AK3: variants seen among roughly 807,000 people sequenced by gnomAD.
AK3 encodes adenylate kinase 3.
AK3 carries 27 observed loss-of-function variants against 23.7 expected under a neutral mutation model. The ratio of observed to expected loss-of-function variants is 1.14; its 90% confidence interval spans 0.84 to 1.57. The LOEUF is 1.57. Ranked by LOEUF, AK3 falls within the 40% of genes most tolerant of loss-of-function variation. The probability of loss-of-function intolerance (pLI) is 0.00; values close to 1 mark genes in which losing one functional copy is unlikely to be tolerated. For synonymous variants in AK3, 159 were observed against 116.0 expected (o/e 1.37, Z -2.38); for missense variants, 406 against 285.6 (o/e 1.42, Z -3.04).
chr9:4,734,201 G>A (rs190288846), intron 1 of AK3, among the ~76,000 whole-genome samples: 4 of 152,184 alleles, frequency 2.6e-5, no homozygotes, highest in Admixed American at 1.3e-4. Flanking sequence ...ACAGAGGAAA[G>A]GCCATGTGAG....
At chr9:4,715,946 C>T (rs182528215) in intron 4 of AK3, among the ~76,000 whole-genome samples, 1 of 152,238 alleles carries the variant, frequency 6.6e-6, no homozygotes, top group East Asian at 1.9e-4. Context: ...GTGCCGACCC[C>T]AAGACTTTTG....
intron 4 of AK3, among the ~76,000 whole-genome samples, chr9:4,714,742 T>C (rs1268232211): frequency 6.6e-6 from 1 of 152,238 alleles, no homozygotes; most frequent in Non-Finnish European, 1.5e-5. Flanking sequence ...ATCATGTTGT[T>C]TGTAAACATA....
chr9:4,731,504 A>G (rs1277902499), intron 1 of AK3, among the ~76,000 whole-genome samples: 1 of 151,790 alleles, frequency 6.6e-6, no homozygotes, highest in Non-Finnish European at 1.5e-5. Context: ...TGAACTTTCT[A>G]TATCAATAAG....
At chr9:4,714,673 A>G (rs1475359297) in intron 4 of AK3, among the ~76,000 whole-genome samples, 2 of 152,202 alleles carry the variant, frequency 1.3e-5, no homozygotes, top group African/African-American at 2.4e-5. Context: ...TTGTCATTTT[A>G]ATTTCTGTGT....
chr9:4,713,918 A>ACG (rs1563780829), intron 4 of AK3, among the ~76,000 whole-genome samples: 5 of 111,742 alleles, frequency 4.5e-5, no homozygotes, highest in East Asian at 2.5e-4. Context: ...ACACATATAC[A>ACG]CCTCCACATA....
Position 4,709,892 on chromosome 9 carries a change from G to T in AK3, c.*3084C>A, listed in dbSNP as rs747578811. 2 of 152,030 alleles carry T rather than the reference G, an allele frequency of 1.3e-5. No homozygotes were observed. The highest frequency in any genetic ancestry group is 2.9e-5 in the Non-Finnish European group (2 of 67,998). The allele number at this position is 152,030 out of a possible 1,614,324, so 9.4% of individuals were successfully genotyped here. A position where few individuals can be genotyped will look rare whatever the true frequency, so the allele number is the denominator to read the frequency against. On this transcript the variant is annotated 3_prime_UTR_variant, in exon 5 of 5. Coordinates refer to ENST00000381809, the MANE Select transcript of AK3 (RefSeq NM_016282.4). ...AAAATACAAATTCTTGCTGTTGGTT[G>T]CAACTATAGCAATTTAACATAATTT...
At chr9:4,740,773 G>A (rs987809103) in intron 1 of AK3, among the ~76,000 whole-genome samples, 164 bp downstream of exon 1, 1 of 152,218 alleles carries the variant, frequency 6.6e-6, no homozygotes, top group Non-Finnish European at 1.5e-5. Context: ...GAGGCCGGAG[G>A]TTTTGGGGCG....
At position 4,741,163 on chromosome 9, in the gene AK3, T is replaced by A. The variant is rs969671955; in HGVS notation, c.-76A>T. Reference sequence around the variant, plus strand: ...CTGCGCGCTCACCCGCTCGGCAGCCTGCGCCGGCCGGCTAGCAGCGCCACT... The same window carrying A: ...CTGCGCGCTCACCCGCTCGGCAGCCAGCGCCGGCCGGCTAGCAGCGCCACT... On this transcript the variant is annotated 5_prime_UTR_variant, in exon 1 of 5. Transcript: ENST00000381809. 29 of 1,312,622 alleles carry A rather than the reference T, an allele frequency of 2.2e-5. No individual in the cohort carries two copies. In the African/African-American group the frequency reaches 3.9e-4, roughly 18 times the overall value. The allele number at this position is 1,312,622 out of a possible 1,614,324, so 81.3% of individuals were successfully genotyped here. A position where few individuals can be genotyped will look rare whatever the true frequency, so the allele number is the denominator to read the frequency against.
At chr9:4,724,538 GA>G (rs1180566874) in intron 1 of AK3, among the ~76,000 whole-genome samples, 1 of 152,052 alleles carries the variant, frequency 6.6e-6, no homozygotes, top group Non-Finnish European at 1.5e-5. Context: ...AAAGCATCCA[GA>G]AAAAAAGAAG....
At position 4,717,281 on chromosome 9, in the gene AK3, C is replaced by T. The variant is rs994597158; in HGVS notation, c.563+1138G>A. ...TAAATGAAAGGGGAGGCAGTCAATC[C>T]TCTGTAAGAAGCAGGAAGGCTCAGT... On this transcript the variant is annotated intron_variant, in intron 4 of 4. Transcript: ENST00000381809. Among the ~76,000 whole-genome samples, 9 of 152,146 alleles carry T rather than the reference C, an allele frequency of 5.9e-5. 1 individual carries two copies. The highest frequency in any genetic ancestry group is 3.9e-4 in the Admixed American group (6 of 15,276).
intron 1 of AK3, among the ~76,000 whole-genome samples, chr9:4,723,491 T>C (rs906307386): frequency 4.6e-5 from 7 of 152,336 alleles, no homozygotes; most frequent in Admixed American, 2.0e-4. Flanking sequence ...GAAAATGATT[T>C]ATGAACAATT....
chr9:4,732,477 A>G (rs1165857739), intron 1 of AK3, among the ~76,000 whole-genome samples: 2 of 152,168 alleles, frequency 1.3e-5, no homozygotes, highest in Non-Finnish European at 2.9e-5. Flanking sequence ...GGCCAACTGT[A>G]TTTCCTTTTT....
At chr9:4,719,507 G>C (rs780812445) in intron 2 of AK3, among the ~76,000 whole-genome samples, 200 bp from the exon 3 acceptor site, 2 of 152,140 alleles carry the variant, frequency 1.3e-5, no homozygotes, top group African/African-American at 2.4e-5. Context: ...TGGGGCATGA[G>C]TGCCCAGATA....
At position 4,709,663 on chromosome 9, in the gene AK3, C is replaced by T. The variant is rs1841498530; in HGVS notation, c.*3313G>A. On this transcript the variant is annotated 3_prime_UTR_variant, in exon 5 of 5. Transcript: ENST00000381809. ...AAAAAGCAGGAGGGGGATAAGGGCT[C>T]TACAAAGCATACTGGCTTTTACCAG... 1 of 152,146 alleles carries T rather than the reference C, an allele frequency of 6.6e-6. No individual in the cohort carries two copies. Among genetic ancestry groups the T allele is most frequent in the Admixed American group, 6.5e-5 (1 of 15,278 alleles). 9.4% of individuals were successfully genotyped at this position (152,146 alleles called of 1,614,324 possible).
chr9:4,738,814 C>A (rs113927806), intron 1 of AK3, among the ~76,000 whole-genome samples: 1 of 142,576 alleles, frequency 7.0e-6, no homozygotes, highest in Non-Finnish European at 1.5e-5. Context: ...GTCTGTCACC[C>A]AGCTTGGAGT....
chr9:4,721,520 G>A (rs1268649616), intron 2 of AK3, among the ~76,000 whole-genome samples: 1 of 151,738 alleles, frequency 6.6e-6, no homozygotes, highest in Non-Finnish European at 1.5e-5. Context: ...AGTGCAGTGG[G>A]GCAATCTCGG....
chr9:4,719,716 G>A (rs955310320), intron 2 of AK3, among the ~76,000 whole-genome samples: 7 of 152,120 alleles, frequency 4.6e-5, no homozygotes, highest in Admixed American at 2.6e-4. Flanking sequence ...ACCTCTAACT[G>A]GGACACAGGA....
intron 4 of AK3, among the ~76,000 whole-genome samples, chr9:4,716,507 A>T (rs372742821): frequency 6.6e-6 from 1 of 152,376 alleles, no homozygotes; most frequent in African/African-American, 2.4e-5. Flanking sequence ...GAGGTTAAAT[A>T]GCTTGCCTAG....
At chr9:4,741,730 G>C (rs1157306198), upstream of AK3, 2 of 152,110 alleles carry the variant, frequency 1.3e-5, no homozygotes, top group African/African-American at 2.4e-5. Context: ...CCCAGTCCTT[G>C]CCGGACACAC....
Sources: allele counts gnomAD v4.1 joint callset (sites outside exome capture counted in the v4.1 genomes callset), GRCh38; gene constraint gnomAD v4.1.1; transcripts MANE v1.5; gene names NCBI Gene and HGNC (gene_info 2026-07-23, HGNC 2026-07-21).